Variants in PARVB observed in about 807,000 individuals in gnomAD.
PARVB encodes beta-parvin.
PARVB carries 46 observed loss-of-function variants against 47.0 expected under a neutral mutation model. The observed-to-expected ratio is 0.98, with a 90% CI of 0.77 to 1.25. PARVB has a LOEUF of 1.25. PARVB is among the 50% of genes most tolerant of loss of function. The probability of loss-of-function intolerance (pLI) is 0.00; values close to 1 mark genes in which losing one functional copy is unlikely to be tolerated. For synonymous variants in PARVB, 196 were observed against 196.3 expected (o/e 1.00, Z 0.01); for missense variants, 473 against 471.6 (o/e 1.00, Z -0.03).
intron 11 of PARVB, among the ~76,000 whole-genome samples, chr22:44,161,609 G>C (rs1601705009): frequency 6.6e-6 from 1 of 152,306 alleles, no homozygotes; most frequent in African/African-American, 2.4e-5. Context: ...ACTACATCCA[G>C]CTGCCCCATG....
intron 8 of PARVB, chr22:44,146,906 G>A (rs576768610): frequency 6.6e-6 from 1 of 152,504 alleles, no homozygotes; most frequent in Non-Finnish European, 1.5e-5. Context: ...GAGGATGGAA[G>A]TTGGGGGGCC....
At chr22:44,016,398 G>A (rs5764464) in intron 2 of PARVB, among the ~76,000 whole-genome samples, 1 of 152,118 alleles carries the variant, frequency 6.6e-6, no homozygotes, top group African/African-American at 2.4e-5. Flanking sequence ...GCCTGGCCTA[G>A]CTCTTCTCTT....
intron 9 of PARVB, 68 bp from the exon 10 acceptor site, chr22:44,151,415 C>G: frequency 8.5e-7 from 1 of 1,182,240 alleles, no homozygotes; most frequent in Middle Eastern, 1.9e-4. Flanking sequence ...AAATGTCAAG[C>G]CTGCCCCTCC....
chr22:44,090,708 C>T (rs2147035175), intron 1 of PARVB, among the ~76,000 whole-genome samples: 1 of 152,342 alleles, frequency 6.6e-6, no homozygotes, highest in South Asian at 2.1e-4. Context: ...TAATCCTCCA[C>T]ACATAGGGAA....
chr22:44,064,826 C>A (rs776484979), intron 1 of PARVB, among the ~76,000 whole-genome samples: 1 of 152,208 alleles, frequency 6.6e-6, no homozygotes, highest in Admixed American at 6.5e-5. Flanking sequence ...TGCACTTCAG[C>A]CTGGGTGACA....
chr22:44,040,791 G>C (rs899245505), intron 1 of PARVB, among the ~76,000 whole-genome samples: 2 of 151,988 alleles, frequency 1.3e-5, no homozygotes, highest in Admixed American at 6.6e-5. Flanking sequence ...CGAGGTGGAC[G>C]GATCATGAGG....
intron 1 of PARVB, among the ~76,000 whole-genome samples, chr22:44,028,304 A>AT (rs35072055): frequency 0.022 from 2,667 of 123,466 alleles, 87 homozygotes; most frequent in African/African-American, 0.075. Flanking sequence ...ACCACGGATC[A>AT]TTTTTTTGTT....
In PARVB at chr22:44,081,602, C is replaced by T. The variant is rs1298575199; in HGVS notation, c.113-12326C>T. 7 of 985,192 alleles carry T rather than the reference C, an allele frequency of 7.1e-6. No homozygotes were observed. In the South Asian group the frequency reaches 1.9e-4, roughly 26 times the overall value. 61.0% of individuals were successfully genotyped at this position (985,192 alleles called of 1,614,324 possible). A position where few individuals can be genotyped will look rare whatever the true frequency, so the allele number is the denominator to read the frequency against. On this transcript the variant is annotated intron_variant, in intron 1 of 12. Coordinates refer to ENST00000338758, the MANE Select transcript of PARVB (RefSeq NM_013327.5). ...TCTCCAGACTTAGCTTCTGCACGGCCGTTTCTGCTTTCCTTTATGAAGTGC... is the reference window on the plus strand; with the variant it reads ...TCTCCAGACTTAGCTTCTGCACGGCTGTTTCTGCTTTCCTTTATGAAGTGC...
intron 1 of PARVB, among the ~76,000 whole-genome samples, chr22:44,028,021 A>G (rs1358198105): frequency 6.6e-6 from 1 of 151,740 alleles, no homozygotes; most frequent in African/African-American, 2.4e-5. Flanking sequence ...GAAATCTAGC[A>G]AAGAATACAA....
At chr22:44,142,450 T>C (rs573719281) in intron 8 of PARVB, 5 of 152,082 alleles carry the variant, frequency 3.3e-5, no homozygotes, top group Admixed American at 2.0e-4. Flanking sequence ...TTTGAGTCTT[T>C]TTGTTTTTTT....
intron 12 of PARVB, among the ~76,000 whole-genome samples, chr22:44,165,663 G>A (rs1219470151): frequency 6.6e-6 from 1 of 152,234 alleles, no homozygotes; most frequent in Non-Finnish European, 1.5e-5. Flanking sequence ...CACGCGTCAT[G>A]GGGTCGCTGG....
intron 7 of PARVB, among the ~76,000 whole-genome samples, chr22:44,138,209 T>C (rs1239326739): frequency 6.6e-6 from 1 of 152,074 alleles, no homozygotes; most frequent in Non-Finnish European, 1.5e-5. Context: ...ATCCTGCTGA[T>C]GAGAAAGGAT....
chr22:44,118,358 G>A (rs532106988), intron 3 of PARVB, among the ~76,000 whole-genome samples: 55 of 152,358 alleles, frequency 3.6e-4, no homozygotes, highest in African/African-American at 1.1e-3. Flanking sequence ...AGCCAAATCC[G>A]TGGAGAGGGG....
At position 44,125,947 on chromosome 22, in the gene PARVB, C is replaced by G. The variant is rs1252179625; in HGVS notation, c.377-5540C>G. Among the ~76,000 whole-genome samples the G allele has an allele frequency of 1.3e-5, 2 of 152,102 alleles. No individual in the cohort carries two copies. Among genetic ancestry groups the G allele is most frequent in the Non-Finnish European group, 2.9e-5 (2 of 68,026 alleles). ...GGGAGGTACTGTACAGTTAAACTGCCATAGGAACCAAGACTGATGGCCAGG... is the reference window on the plus strand; with the variant it reads ...GGGAGGTACTGTACAGTTAAACTGCGATAGGAACCAAGACTGATGGCCAGG... On this transcript the variant is annotated intron_variant, in intron 4 of 12. Coordinates refer to ENST00000338758, the MANE Select transcript of PARVB (RefSeq NM_013327.5). This position sits in a 1 kb window ranked among gnomAD's most constrained non-coding sequence, Gnocchi z 4.1.
rs758499901 is a variant in PARVB at position 44,147,964 on chromosome 22, C to T, written c.774+42C>T. ...ATGTTGGATGTGCTCTCCCCTGGCT[C>T]GCGGCTTTTTGACAGCACAAACGCC... On this transcript the variant is annotated intron_variant, in intron 9 of 12. Coordinates refer to ENST00000338758, the MANE Select transcript of PARVB (RefSeq NM_013327.5). 2.0e-5 allele frequency: 31 copies of T among 1,557,730 alleles called. 1 individual carries two copies. The highest frequency in any genetic ancestry group is 1.7e-4 in the South Asian group (15 of 89,426).
chr22:44,105,634 C>T (rs1188073635), intron 3 of PARVB: 1 of 152,236 alleles, frequency 6.6e-6, no homozygotes, highest in Non-Finnish European at 1.5e-5. Context: ...CATGACCATT[C>T]TCTTCCCAGC....
chr22:44,165,614 T>G (rs569993590), intron 12 of PARVB, among the ~76,000 whole-genome samples: 11 of 152,324 alleles, frequency 7.2e-5, no homozygotes, highest in South Asian at 2.1e-4. Flanking sequence ...TGCCAGGGCC[T>G]CCTCCTCTGT....
At chr22:44,013,566 C>G (rs1017124195) in intron 2 of PARVB, among the ~76,000 whole-genome samples, 1 of 152,318 alleles carries the variant, frequency 6.6e-6, no homozygotes, top group Admixed American at 6.5e-5. Context: ...AGTGGATTCA[C>G]GCAGTCTGTG....
chr22:44,087,499 T>C (rs927035268), intron 1 of PARVB, among the ~76,000 whole-genome samples: 10 of 152,206 alleles, frequency 6.6e-5, no homozygotes, highest in South Asian at 4.1e-4. Context: ...TGTCCTGCCC[T>C]GGTTCTGCTA....
Sources: gnomAD v4.1 joint callset for allele counts (sites outside exome capture counted in the v4.1 genomes callset) on GRCh38, gnomAD v4.1.1 for gene constraint, Gnocchi (gnomAD v3.1) non-coding constraint, MANE v1.5 for transcripts, NCBI Gene and HGNC (gene_info 2026-07-23, HGNC 2026-07-21) for gene names.